Variants in RUVBL1 observed in about 807,000 individuals in gnomAD.
RUVBL1 encodes RuvB like AAA ATPase 1.
RUVBL1 carries 4 observed loss-of-function variants against 52.4 expected under a neutral mutation model. The ratio of observed to expected loss-of-function variants is 0.08; its 90% CI spans 0.04 to 0.17. The LOEUF (loss-of-function observed/expected upper bound fraction) is 0.17. Ranked by LOEUF, RUVBL1 falls within the 10% of genes least tolerant of loss-of-function variation. The pLI is 1.00. For missense variants in RUVBL1, 298 were observed against 572.8 expected (o/e 0.52, Z 4.90); for synonymous variants, 217 against 214.4 (o/e 1.01, Z -0.10).
At chr3:128,096,775 C>A (rs915338725) in intron 8 of RUVBL1, among the ~76,000 whole-genome samples, 1 of 151,538 alleles carries the variant, frequency 6.6e-6, no homozygotes, top group African/African-American at 2.4e-5. Context: ...TGCAGTGAGC[C>A]GAGATCGCGC....
chr3:128,139,806 T>C (rs1943992939), intron 1 of RUVBL1, among the ~76,000 whole-genome samples: 1 of 152,152 alleles, frequency 6.6e-6, no homozygotes, highest in Non-Finnish European at 1.5e-5. Flanking sequence ...CACTCATTTG[T>C]CGACACTAAA....
intron 1 of RUVBL1, among the ~76,000 whole-genome samples, chr3:128,140,861 T>A (rs1944011052): frequency 6.6e-6 from 1 of 152,200 alleles, no homozygotes. Flanking sequence ...TTTACTAGTA[T>A]ATATACCATC....
Position 128,097,373 on chromosome 3 carries a change from G to A in RUVBL1, c.943C>T (p.Leu315=), listed in dbSNP as rs1347981174. The change falls in exon 8 of 11, where the codon CTG becomes TTG. Residue 315 remains leucine (L), a synonymous_variant. Coordinates refer to ENST00000322623, the MANE Select transcript of RUVBL1 (RefSeq NM_003707.3). ...ATAGAAGACTCCAGGGCGCGGTGCA[G>A]GTAGGTGAAGCACTCAATGTCCAGC... is the stretch of plus-strand genomic sequence containing the variant. The part of the protein sequence containing the change: ...HMLDIECFTY[L]HRALESSIAP... The A allele has an allele frequency of 1.6e-5, 26 of 1,614,224 alleles. No individual in the cohort carries two copies. The highest frequency in any genetic ancestry group is 2.2e-5 in the Non-Finnish European group (26 of 1,180,034).
intron 4 of RUVBL1, 40 bp from the exon 5 acceptor site, chr3:128,101,688 C>A: frequency 1.3e-6 from 2 of 1,584,562 alleles, no homozygotes; most frequent in Non-Finnish European, 8.6e-7. Flanking sequence ...AATACATATT[C>A]CATTTCCTTC....
At chr3:128,093,721 G>T (rs1478465277) in intron 8 of RUVBL1, among the ~76,000 whole-genome samples, 1 of 152,166 alleles carries the variant, frequency 6.6e-6, no homozygotes, top group Non-Finnish European at 1.5e-5. Flanking sequence ...TCCTGAGCCT[G>T]GAAGGAAAGG....
intron 9 of RUVBL1, among the ~76,000 whole-genome samples, chr3:128,073,237 C>G (rs1275202858): frequency 6.6e-6 from 1 of 151,934 alleles, no homozygotes; most frequent in East Asian, 1.9e-4. Context: ...CCGGAGCTTC[C>G]CCTTGCTGCC....
chr3:128,128,993 G>C (rs1395605027), intron 1 of RUVBL1, among the ~76,000 whole-genome samples: 1 of 151,958 alleles, frequency 6.6e-6, no homozygotes. Context: ...ATTCCCACAG[G>C]ATATGTGCAA....
At chr3:128,089,434 A>T (rs1228197540) in intron 8 of RUVBL1, among the ~76,000 whole-genome samples, 1 of 152,264 alleles carries the variant, frequency 6.6e-6, no homozygotes, top group East Asian at 1.9e-4. Context: ...AGGATTGTAC[A>T]GTCTATGGTT....
At chr3:128,136,529 G>A (rs1943949491) in intron 1 of RUVBL1, among the ~76,000 whole-genome samples, 1 of 151,798 alleles carries the variant, frequency 6.6e-6, no homozygotes, top group Non-Finnish European at 1.5e-5. Context: ...GGGAGGCTCA[G>A]GTGGGAGGAA....
At position 128,153,188 on chromosome 3, in the gene RUVBL1, C is replaced by A. The variant is rs4478094; in HGVS notation, c.-40+15G>T. 30 of 1,268,748 alleles carry A rather than the reference C, an allele frequency of 2.4e-5. No individual in the cohort carries two copies. The African/African-American group carries it at 4.4e-4, about 19-fold the overall frequency. The allele number at this position is 1,268,748 out of a possible 1,614,324, so 78.6% of individuals were successfully genotyped here. A position where few individuals can be genotyped will look rare whatever the true frequency, so the allele number is the denominator to read the frequency against. ...TCTTGATAGCTATAGAAAAGTTCTC[C>A]AAGTCTCCACTCACCCAGAAAGTCC... On this transcript the variant is annotated intron_variant, in intron 1 of 9. Coordinates refer to the RUVBL1 transcript ENST00000464873.
At chr3:128,074,858 A>AAAAAAAC (rs1942263908) in intron 9 of RUVBL1, among the ~76,000 whole-genome samples, 1 of 151,818 alleles carries the variant, frequency 6.6e-6, no homozygotes, top group Admixed American at 6.6e-5. Context: ...AAAAAAAAAA[A>AAAAAAAC]AAAAAAACTT....
At chr3:128,150,703 ATATATATTCTATATAT>A (rs1303713116) in intron 1 of RUVBL1, among the ~76,000 whole-genome samples, 21 of 124,260 alleles carry the variant, frequency 1.7e-4, no homozygotes, top group Non-Finnish European at 2.0e-4. Context: ...TATATATTCT[ATATATATTCTATATAT>A]TATATATTCT....
downstream of RUVBL1, among the ~76,000 whole-genome samples, chr3:128,076,851 A>G (rs1426254603): frequency 1.3e-5 from 2 of 151,708 alleles, no homozygotes; most frequent in Non-Finnish European, 1.5e-5. This position sits in a 1 kb window ranked among gnomAD's most constrained non-coding sequence, Gnocchi z 6.8. Context: ...CGCACCCCGC[A>G]CCCCACCATG....
intron 2 of RUVBL1, among the ~76,000 whole-genome samples, chr3:128,115,331 T>C (rs577697705): frequency 3.5e-4 from 54 of 152,266 alleles, no homozygotes; most frequent in African/African-American, 1.3e-3. Flanking sequence ...CAAAAGAAGG[T>C]TGAAGAAATC....
chr3:128,146,726 T>C (rs1252922982), intron 1 of RUVBL1, among the ~76,000 whole-genome samples: 2 of 152,100 alleles, frequency 1.3e-5, no homozygotes, highest in Non-Finnish European at 2.9e-5. Context: ...CATGGCCCCA[T>C]CTGCCTGCCG....
In RUVBL1 at chr3:128,150,802, A is replaced by G. The variant is rs539202207; in HGVS notation, c.-40+2401T>C. Among the ~76,000 whole-genome samples the G allele has an allele frequency of 5.8e-3, 581 of 100,836 alleles. 7 individuals carry two copies. The highest frequency in any genetic ancestry group is 0.023 in the African/African-American group (557 of 24,348). 66.2% of individuals were successfully genotyped at this position (100,836 alleles called of 152,430 possible). ...ATTCTATATATATTCTATATATTAT[A>G]TATTCTATATATTATATATTCTATA... On this transcript the variant is annotated intron_variant, in intron 1 of 9. Transcript: ENST00000464873.
rs1196824244 is a variant in RUVBL1, at chr3:128,152,993, G to GC, written c.-40+209dup. Among the ~76,000 whole-genome samples the GC allele has an allele frequency of 7.2e-3, 175 of 24,166 alleles. 5 individuals carry two copies. The highest frequency in any genetic ancestry group is 0.035 in the African/African-American group (152 of 4,324). The allele number at this position is 24,166 out of a possible 152,430, so 15.9% of individuals were successfully genotyped here. ...CCCCCGTCTTCCCCCCGCCCACCCC[G>GC]CCCCCCCCGCCCCCCTTCGCCCCCC... On this transcript the variant is annotated intron_variant, in intron 1 of 9. Transcript: ENST00000464873.
At chr3:128,123,465 G>A (rs918850538) in intron 1 of RUVBL1, 119 bp downstream of exon 1, 5 of 1,257,006 alleles carry the variant, frequency 4.0e-6, no homozygotes, top group South Asian at 3.3e-5. Context: ...ACTTCCCTGA[G>A]GAAATAATGG....
At chr3:128,132,014 T>C (rs568596199) in intron 1 of RUVBL1, among the ~76,000 whole-genome samples, 4 of 152,322 alleles carry the variant, frequency 2.6e-5, no homozygotes, top group Admixed American at 2.6e-4. Context: ...AAAGACAGTC[T>C]TGACTCACCT....
Sources: gnomAD v4.1 joint callset for allele counts (sites outside exome capture counted in the v4.1 genomes callset) on GRCh38, gnomAD v4.1.1 for gene constraint, Gnocchi (gnomAD v3.1) non-coding constraint, MANE v1.5 for transcripts, NCBI Gene and HGNC (gene_info 2026-07-23, HGNC 2026-07-21) for gene names.